The following ZNF780A variants were observed in gnomAD, a reference collection of about 807,000 sequenced individuals.
ZNF780A encodes zinc finger protein 780A.
ZNF780A carries 40 observed loss-of-function variants against 56.7 expected under a neutral mutation model. The observed-to-expected ratio is 0.71, with a 90% CI of 0.55 to 0.92. ZNF780A has a LOEUF of 0.92. ZNF780A is among the 40% of genes least tolerant of loss of function. ZNF780A has a pLI of 0.00. For missense variants in ZNF780A, 672 were observed against 783.3 expected (o/e 0.86, Z 1.70); for synonymous variants, 231 against 248.3 (o/e 0.93, Z 0.66).
chr19:40,075,887 A>C lies in ZNF780A; in HGVS notation c.555T>G (p.Ser185Arg), dbSNP rs1256678750. The C allele has an allele frequency of 1.2e-6, 2 of 1,614,092 alleles. No individual in the cohort carries two copies. The highest frequency in any genetic ancestry group is 1.7e-6 in the Non-Finnish European group (2 of 1,179,980). Residue 185 changes from serine to arginine, a missense_variant, in exon 6 of 6, where the codon AGT becomes AGG. Coordinates refer to ENST00000683561, the MANE Select transcript of ZNF780A (RefSeq NM_001142578.2). ...SRSANLIQHQ[S>R]IHTGEKPFEC... ...CAAAGGGTTTCTCTCCAGTATGAATACTCTGATGCTGAATAAGATTTGCAC... is the reference window on the plus strand; with the variant it reads ...CAAAGGGTTTCTCTCCAGTATGAATCCTCTGATGCTGAATAAGATTTGCAC...
intron 3 of ZNF780A, among the ~76,000 whole-genome samples, chr19:40,084,122 T>C (rs1473820643): frequency 1.3e-5 from 2 of 151,876 alleles, no homozygotes; most frequent in Admixed American, 1.3e-4. Context: ...GCCAGGCTGG[T>C]CTCAAACTCC....
chr19:40,080,141 G>C (rs1030136282), intron 5 of ZNF780A, among the ~76,000 whole-genome samples: 2 of 152,064 alleles, frequency 1.3e-5, no homozygotes, highest in Non-Finnish European at 2.9e-5. Flanking sequence ...AATGAGTAAT[G>C]AGATTGAATT....
At chr19:40,088,553 T>C (rs1473748582) in intron 2 of ZNF780A, among the ~76,000 whole-genome samples, 1 of 152,162 alleles carries the variant, frequency 6.6e-6, no homozygotes, top group African/African-American at 2.4e-5. Context: ...TGGGTGAGAA[T>C]GTAAATGGGC....
chr19:40,087,582 C>A (rs1459815445), intron 2 of ZNF780A, among the ~76,000 whole-genome samples: 1 of 152,060 alleles, frequency 6.6e-6, no homozygotes, highest in Non-Finnish European at 1.5e-5. Flanking sequence ...GTCCCTGAGA[C>A]CATAAATGGA....
At chr19:40,070,400 T>C (rs1275276260), downstream of ZNF780A, 1 of 152,226 alleles carries the variant, frequency 6.6e-6, no homozygotes, top group African/African-American at 2.4e-5. Context: ...ATAATGTGGT[T>C]CAAGGTCCAC....
intron 5 of ZNF780A, among the ~76,000 whole-genome samples, chr19:40,080,322 A>G (rs1303354147): frequency 6.6e-6 from 1 of 152,180 alleles, no homozygotes. Context: ...TGAAACCAAA[A>G]CCAGACAAGG....
chr19:40,088,039 A>T (rs1017214091), intron 2 of ZNF780A, among the ~76,000 whole-genome samples: 1 of 152,196 alleles, frequency 6.6e-6, no homozygotes, highest in Non-Finnish European at 1.5e-5. Flanking sequence ...TAAATGTAAG[A>T]TCCTAAACTA....
Position 40,075,572 on chromosome 19 carries a change from T to G in ZNF780A, c.870A>C (p.Ala290=). The part of the protein sequence containing the change: ...KECGKGFNRG[A]HLIQHQKIHS... ...GAATTTTCTGATGCTGAATAAGGTG[T>G]GCACCACGATTAAAGCCTTTCCCAC... Residue 290 remains alanine (A), a synonymous_variant, in exon 6 of 6, where the codon GCA becomes GCC. Coordinates refer to ENST00000683561, the MANE Select transcript of ZNF780A (RefSeq NM_001142578.2). 6.2e-7 allele frequency: 1 copy of G among 1,613,804 alleles called. No homozygotes were observed. The highest frequency in any genetic ancestry group is 8.5e-7 in the Non-Finnish European group (1 of 1,179,928).
rs772553208 is a variant in ZNF780A at position 40,074,939 on chromosome 19, A to G, written c.1503T>C (p.Tyr501=). 5.0e-6 allele frequency: 8 copies of G among 1,614,086 alleles called. No homozygotes were observed. The highest frequency in any genetic ancestry group is 4.0e-5 in the African/African-American group (3 of 74,936). Residue 501 remains tyrosine (Y), a synonymous_variant, in exon 6 of 6, where the codon TAT becomes TAC. Coordinates refer to ENST00000683561, the MANE Select transcript of ZNF780A (RefSeq NM_001142578.2). The part of the protein sequence containing the change: ...HQSIHTGEKP[Y]ECKECGKAFR... ...AAGCCTTCCCACACTCCTTACATTC[A>G]TAGGGCTTCTCACCAGTGTGAATAC... is the stretch of plus-strand genomic sequence containing the variant.
Position 40,074,929 on chromosome 19 carries a change from C to A in ZNF780A, c.1513G>T (p.Glu505Ter), listed in dbSNP as rs867693861. The A allele has an allele frequency of 1.9e-6, 3 of 1,614,202 alleles. No individual in the cohort carries two copies. Among genetic ancestry groups the A allele is most frequent in the Middle Eastern group, 3.3e-4 (2 of 6,062 alleles). The change falls in exon 6 of 6, where the codon GAG becomes TAG. Residue 505 changes from glutamate to a stop codon, truncating the protein, a stop_gained. Transcript: ENST00000683561. LOFTEE classifies it high-confidence loss of function. ...TAAAGTCTAAAAGCCTTCCCACACTCCTTACATTCATAGGGCTTCTCACCA... is the reference window on the plus strand; with the variant it reads ...TAAAGTCTAAAAGCCTTCCCACACTACTTACATTCATAGGGCTTCTCACCA... ...HTGEKPYECK[E>*]CGKAFRLYLQ... is the part of the protein sequence containing the mutation.
Position 40,075,518 on chromosome 19 carries a change from C to A in ZNF780A, c.924G>T (p.Lys308Asn). 1 of 1,613,254 alleles carries A rather than the reference C, an allele frequency of 6.2e-7. No individual in the cohort carries two copies. Among genetic ancestry groups the A allele is most frequent in the South Asian group, 1.1e-5 (1 of 91,050 alleles). The change falls in exon 6 of 6, where the codon AAG (lysine) becomes AAT (asparagine). Residue 308 changes from lysine (K) to asparagine (N), a missense_variant. Lys to Asn is a moderately conservative substitution (Grantham distance 94, BLOSUM62 0). Coordinates refer to ENST00000683561, the MANE Select transcript of ZNF780A (RefSeq NM_001142578.2). ...IHSNEKPFVCKECGMAFRYHY... is the reference protein window; with the variant it reads ...IHSNEKPFVCNECGMAFRYHY... Reference sequence around the variant, plus strand: ...GATATCGAAAGGCCATCCCACATTCCTTACATACAAAGGGTTTCTCATTGG... The same window carrying A: ...GATATCGAAAGGCCATCCCACATTCATTACATACAAAGGGTTTCTCATTGG...
At position 40,075,752 on chromosome 19, in the gene ZNF780A, A is replaced by G; in HGVS notation, c.690T>C (p.Phe230=). 6.2e-7 allele frequency: 1 copy of G among 1,614,140 alleles called. No individual in the cohort carries two copies. Among genetic ancestry groups the G allele is most frequent in the Non-Finnish European group, 8.5e-7 (1 of 1,180,012 alleles). ...PFECNECGKA[F]SLLTLLNRHK... is the part of the protein sequence containing the mutation. ...GGCGATTAAGCAGGGTAAGAAGACT[A>G]AAGGCCTTTCCACATTCGTTACATT... The change falls in exon 6 of 6, where the codon TTT becomes TTC. Residue 230 remains phenylalanine (F), a synonymous_variant. Coordinates refer to ENST00000683561, the MANE Select transcript of ZNF780A (RefSeq NM_001142578.2).
chr19:40,078,072 A>G (rs1212233894), intron 5 of ZNF780A, among the ~76,000 whole-genome samples: 1 of 151,784 alleles, frequency 6.6e-6, no homozygotes, highest in Non-Finnish European at 1.5e-5. Flanking sequence ...AAAACTCAGG[A>G]TAAGAAGAAG....
chr19:40,080,621 C>T (rs1974421581), intron 5 of ZNF780A, among the ~76,000 whole-genome samples: 1 of 152,134 alleles, frequency 6.6e-6, no homozygotes, highest in Admixed American at 6.5e-5. Context: ...GGGAGCTAAA[C>T]ACCGAGTACA....
chr19:40,087,000 G>A (rs750292652), intron 2 of ZNF780A, among the ~76,000 whole-genome samples: 5 of 152,040 alleles, frequency 3.3e-5, no homozygotes, highest in Admixed American at 1.3e-4. Context: ...ACCGCGCCCC[G>A]CCCCATGTAA....
intron 5 of ZNF780A, among the ~76,000 whole-genome samples, chr19:40,079,005 T>C (rs915650181): frequency 1.3e-5 from 2 of 152,156 alleles, no homozygotes; most frequent in Non-Finnish European, 2.9e-5. Context: ...AGTAATCACA[T>C]TGAACGTAAA....
chr19:40,083,311 G>A, intron 3 of ZNF780A, 74 bp from the exon 4 acceptor site: 1 of 1,589,658 alleles, frequency 6.3e-7, no homozygotes, highest in Non-Finnish European at 8.6e-7. Context: ...GGAAGTGAAG[G>A]AGTGTAGTGT....
chr19:40,078,504 T>C (rs1187338599), intron 5 of ZNF780A, among the ~76,000 whole-genome samples: 1 of 151,962 alleles, frequency 6.6e-6, no homozygotes, highest in Non-Finnish European at 1.5e-5. Context: ...GGTCAAAATA[T>C]AAAAGTCAAA....
rs1974500210 is a variant in ZNF780A, at chr19:40,081,876, C to T, written c.175G>A (p.Glu59Lys). 7 of 1,611,882 alleles carry T rather than the reference C, an allele frequency of 4.3e-6. No individual in the cohort carries two copies. The highest frequency in any genetic ancestry group is 5.1e-6 in the Non-Finnish European group (6 of 1,178,660). Residue 59 changes from glutamate (E) to lysine (K), a missense_variant, in exon 5 of 6, where the codon GAG (glutamate) becomes AAG (lysine). Transcript: ENST00000683561. ...ACCATCCAGGGCTCTTTCTCTTGCT[C>T]TAGTAACGTAATTACATCTGGTTTA... ...ISKPDVITLLEQEKEPWMVVR... is the reference protein window; with the variant it reads ...ISKPDVITLLKQEKEPWMVVR...
Sources: gnomAD v4.1 joint callset for allele counts (sites outside exome capture counted in the v4.1 genomes callset) on GRCh38, gnomAD v4.1.1 for gene constraint, MANE v1.5 for transcripts, NCBI Gene and HGNC (gene_info 2026-07-23, HGNC 2026-07-21) for gene names.